GRID2: variants seen among roughly 807,000 people sequenced by gnomAD.
The protein encoded by GRID2 is glutamate receptor ionotropic, delta-2.
GRID2 carries 33 observed loss-of-function variants against 114.8 expected under a neutral mutation model. The ratio of observed to expected loss-of-function variants is 0.29; its 90% confidence interval spans 0.22 to 0.38. GRID2 has a LOEUF of 0.38. Ranked by LOEUF, GRID2 falls within the 10% of genes least tolerant of loss-of-function variation. The pLI is 1.00. For missense variants in GRID2, 1,184 were observed against 1,257.7 expected (o/e 0.94, Z 0.89); for synonymous variants, 505 against 449.9 (o/e 1.12, Z -1.55).
intron 1 of GRID2, among the ~76,000 whole-genome samples, chr4:92,310,877 A>C (rs1480192390): frequency 6.6e-6 from 1 of 152,060 alleles, no homozygotes; most frequent in Non-Finnish European, 1.5e-5. Flanking sequence ...AGTGACCTTC[A>C]AAAAAGGAAA....
At chr4:92,471,218 T>C (rs1324724618) in intron 1 of GRID2, among the ~76,000 whole-genome samples, 4 of 152,078 alleles carry the variant, frequency 2.6e-5, no homozygotes, top group Non-Finnish European at 5.9e-5. Flanking sequence ...GGTATAAGGT[T>C]AGGATCATGT....
intron 1 of GRID2, among the ~76,000 whole-genome samples, chr4:92,432,654 T>A (rs1732519135): frequency 6.6e-6 from 1 of 152,102 alleles, no homozygotes; most frequent in African/African-American, 2.4e-5. Context: ...GGCTCCCCTG[T>A]GGCACAGTGC....
At chr4:92,724,222 A>G (rs1174433181) in intron 2 of GRID2, among the ~76,000 whole-genome samples, 1 of 152,146 alleles carries the variant, frequency 6.6e-6, no homozygotes, top group Admixed American at 6.6e-5. Context: ...GCAGTCATAC[A>G]GTGTCTATGT....
intron 1 of GRID2, among the ~76,000 whole-genome samples, chr4:92,455,079 C>T (rs934834743): frequency 1.3e-5 from 2 of 151,988 alleles, no homozygotes; most frequent in Non-Finnish European, 2.9e-5. Flanking sequence ...TATATAGCAC[C>T]GCTGTAAATT....
chr4:92,774,221 AG>A lies in GRID2; in HGVS notation c.244+183939del, dbSNP rs1322817108. ...GGAGTTAGACAGGAAAAGTAGGGAC[AG>A]GGGTGAGGCATGGGATAGGCCATGG... is the stretch of plus-strand genomic sequence containing the variant. On this transcript the variant is annotated intron_variant, in intron 2 of 15. Coordinates refer to ENST00000282020, the MANE Select transcript of GRID2 (RefSeq NM_001510.4). Among the ~76,000 whole-genome samples the A allele has an allele frequency of 3.3e-5, 5 of 152,268 alleles. No individual in the cohort carries two copies. The South Asian group carries it at 8.3e-4, about 25-fold the overall frequency.
At chr4:93,241,120 G>A (rs950604116) in intron 8 of GRID2, among the ~76,000 whole-genome samples, 3 of 151,564 alleles carry the variant, frequency 2.0e-5, no homozygotes, top group Admixed American at 6.6e-5. Context: ...TGGTATTATA[G>A]TCTATAAATA....
intron 2 of GRID2, among the ~76,000 whole-genome samples, chr4:92,965,503 G>A (rs1053636123): frequency 5.0e-5 from 6 of 118,942 alleles, no homozygotes; most frequent in African/African-American, 1.2e-4. Flanking sequence ...ACAACATCTG[G>A]GAAATGCAAC....
At chr4:93,011,181 G>A (rs1002209365) in intron 2 of GRID2, among the ~76,000 whole-genome samples, 6 of 148,264 alleles carry the variant, frequency 4.0e-5, no homozygotes, top group African/African-American at 1.5e-4. Flanking sequence ...AATTACTTTT[G>A]GAAGGAAGAG....
At chr4:92,658,749 T>C (rs1239900459) in intron 2 of GRID2, among the ~76,000 whole-genome samples, 2 of 150,444 alleles carry the variant, frequency 1.3e-5, no homozygotes, top group African/African-American at 4.9e-5. Flanking sequence ...GAATGCTTAA[T>C]TTTGAACTAC....
At chr4:92,927,133 A>T (rs2149515141) in intron 2 of GRID2, among the ~76,000 whole-genome samples, 1 of 152,080 alleles carries the variant, frequency 6.6e-6, no homozygotes, top group African/African-American at 2.4e-5. Context: ...AAACCAATAT[A>T]GTCCAAGTTG....
intron 2 of GRID2, among the ~76,000 whole-genome samples, chr4:92,689,090 T>A (rs12500073): frequency 0.16 from 24,960 of 152,168 alleles, 2,237 homozygotes; most frequent in East Asian, 0.34. Flanking sequence ...GCACTACATC[T>A]CAACAGTGGG....
At chr4:92,365,232 G>T in intron 1 of GRID2, among the ~76,000 whole-genome samples, 1 of 152,040 alleles carries the variant, frequency 6.6e-6, no homozygotes, top group Non-Finnish European at 1.5e-5. Context: ...ATCAACCTAA[G>T]TGTCTGTCAG....
At chr4:93,419,166 T>C (rs889634737) in intron 9 of GRID2, among the ~76,000 whole-genome samples, 5 of 151,686 alleles carry the variant, frequency 3.3e-5, no homozygotes, top group Admixed American at 6.6e-5. Context: ...TTTCTTTCTT[T>C]ATATTTTTGT....
At chr4:92,676,120 A>C (rs1337697069) in intron 2 of GRID2, among the ~76,000 whole-genome samples, 1 of 149,446 alleles carries the variant, frequency 6.7e-6, no homozygotes, top group East Asian at 2.0e-4. Flanking sequence ...TCAGTATTTA[A>C]ATCAGTTCAT....
At chr4:92,725,145 A>G (rs1236340753) in intron 2 of GRID2, among the ~76,000 whole-genome samples, 1 of 152,094 alleles carries the variant, frequency 6.6e-6, no homozygotes, top group African/African-American at 2.4e-5. Context: ...TACCAAAAAT[A>G]TGAAAATTAG....
chr4:93,155,924 A>G (rs1387479934), intron 4 of GRID2, among the ~76,000 whole-genome samples: 1 of 151,776 alleles, frequency 6.6e-6, no homozygotes, highest in South Asian at 2.1e-4. Context: ...CAGGGTGAAT[A>G]TGGCCAGCAA....
At chr4:93,582,917 C>A (rs2149597323) in intron 13 of GRID2, among the ~76,000 whole-genome samples, 1 of 152,258 alleles carries the variant, frequency 6.6e-6, no homozygotes, top group East Asian at 1.9e-4. Context: ...ACAGAAATTT[C>A]TCTCAAAGTT....
intron 1 of GRID2, among the ~76,000 whole-genome samples, chr4:92,556,693 C>CT (rs1726865774): frequency 6.6e-6 from 1 of 152,104 alleles, no homozygotes; most frequent in Admixed American, 6.6e-5. Context: ...TCCAAGCTCA[C>CT]TCACTTTGTT....
intron 8 of GRID2, among the ~76,000 whole-genome samples, chr4:93,371,741 CTTTTTTTTT>C (rs1205096650): frequency 3.3e-5 from 3 of 89,796 alleles, no homozygotes; most frequent in African/African-American, 9.3e-5. Flanking sequence ...ATCACTATTT[CTTTTTTTTT>C]TTTTTTTTTT....
Sources: allele counts gnomAD v4.1 joint callset (sites outside exome capture counted in the v4.1 genomes callset), GRCh38; gene constraint gnomAD v4.1.1; transcripts MANE v1.5; gene names NCBI Gene and HGNC (gene_info 2026-07-23, HGNC 2026-07-21).